BDP1: variants seen among roughly 807,000 people sequenced by gnomAD.
BDP1 encodes BDP1 general transcription factor IIIB subunit, also known as transcription factor TFIIIB component B'' homolog.
In BDP1, 169 loss-of-function variants were observed where a neutral mutation model predicts 266.6. That is an observed-to-expected ratio of 0.63 (90% CI 0.56 to 0.72). The LOEUF (loss-of-function observed/expected upper bound fraction) is 0.72. Among genes scored for constraint, BDP1 ranks in the 30% least tolerant of loss-of-function variants. The probability of loss-of-function intolerance (pLI) is 0.00; values close to 1 mark genes in which losing one functional copy is unlikely to be tolerated. For synonymous variants in BDP1, 1,090 were observed against 1,022.4 expected (o/e 1.07, Z -1.26); for missense variants, 3,015 against 3,053.8 (o/e 0.99, Z 0.30).
rs540977600 is a variant in BDP1, at chr5:71,548,204, G to A, written c.6745-478G>A. On this transcript the variant is annotated intron_variant, in intron 32 of 38. Coordinates refer to ENST00000358731, the MANE Select transcript of BDP1 (RefSeq NM_018429.3). ...CTCAGGAGGTTGAGGTGGGAGGATC[G>A]CTTGAGCCCAGGAGGCGGAGGTTGT... Among the ~76,000 whole-genome samples the A allele has an allele frequency of 9.8e-4, 149 of 152,010 alleles. 2 individuals carry two copies. Among genetic ancestry groups the A allele is most frequent in the African/African-American group, 3.0e-3 (124 of 41,452 alleles).
chr5:71,476,858 C>T (rs966568555), intron 7 of BDP1, among the ~76,000 whole-genome samples: 1 of 152,208 alleles, frequency 6.6e-6, no homozygotes, highest in African/African-American at 2.4e-5. Context: ...CGCCCGCCAC[C>T]ACGCCTGGCT....
chr5:71,470,693 T>C (rs1762187273), intron 7 of BDP1, among the ~76,000 whole-genome samples: 1 of 151,788 alleles, frequency 6.6e-6, no homozygotes, highest in Admixed American at 6.6e-5. Context: ...GTTCAAGCAA[T>C]TCTCATGCCT....
intron 2 of BDP1, among the ~76,000 whole-genome samples, chr5:71,460,376 TC>T (rs1761473524): frequency 6.6e-6 from 1 of 152,120 alleles, no homozygotes; most frequent in South Asian, 2.1e-4. Flanking sequence ...CGAGACTCCG[TC>T]TCAAAAAAAA....
intron 22 of BDP1, among the ~76,000 whole-genome samples, chr5:71,517,844 T>G (rs1476725621): frequency 6.6e-6 from 1 of 152,062 alleles, no homozygotes; most frequent in African/African-American, 2.4e-5. Flanking sequence ...GACGAGAGGA[T>G]CGCTTGAGTC....
intron 28 of BDP1, among the ~76,000 whole-genome samples, 188 bp from the exon 29 acceptor site, chr5:71,541,266 G>A (rs536795880): frequency 2.0e-5 from 3 of 152,096 alleles, no homozygotes; most frequent in African/African-American, 7.2e-5. Flanking sequence ...GCATGAAATA[G>A]GGAGATCATA....
rs375416392 is a variant in BDP1, at chr5:71,497,364, C to T, written c.1894C>T (p.Leu632Phe). The stretch of plus-strand genomic sequence containing the variant: ...GTCAAGGGCTGGGAAGAAATCAGTT[C>T]TTTCACAAGGCAAAACAGAGTCAGA... ...NLSRAGKKSVLSQGKTESESK... is the reference protein window; with the variant it reads ...NLSRAGKKSVFSQGKTESESK... The change falls in exon 13 of 39, where the codon CTT becomes TTT. Residue 632 changes from leucine (L) to phenylalanine (F), a missense_variant. By Grantham distance (22) the Leu-to-Phe change is conservative (BLOSUM62 0). Coordinates refer to ENST00000358731, the MANE Select transcript of BDP1 (RefSeq NM_018429.3). 127 of 1,613,558 alleles carry T rather than the reference C, an allele frequency of 7.9e-5. No individual in the cohort carries two copies. The highest frequency in any genetic ancestry group is 1.0e-4 in the Non-Finnish European group (123 of 1,179,872).
rs1742195670 is a variant in BDP1, at chr5:71,545,235, G to A, written c.6744+16G>A. 1.3e-6 allele frequency: 2 copies of A among 1,597,632 alleles called. No homozygotes were observed. On this transcript the variant is annotated intron_variant, in intron 32 of 38. Transcript: ENST00000358731. ...TGTGCCAGAGGTAAAAGAATGTACA[G>A]TATAATAAGGGATAGCAAGGTGTTT...
chr5:71,516,190 C>A lies in BDP1; in HGVS notation c.4779C>A (p.Asp1593Glu). 6.2e-7 allele frequency: 1 copy of A among 1,613,142 alleles called. No individual in the cohort carries two copies. Among genetic ancestry groups the A allele is most frequent in the Non-Finnish European group, 8.5e-7 (1 of 1,179,564 alleles). The change falls in exon 21 of 39, where the codon GAC becomes GAA. Residue 1593 changes from aspartate (D) to glutamate (E), a missense_variant. Coordinates refer to ENST00000358731, the MANE Select transcript of BDP1 (RefSeq NM_018429.3). ...AGACAGGACAGAGGCAAATAGTAGA[C>A]AAAGGTGAAGCCAAAGGCATAATTA... ...IRKTGQRQIV[D>E]KGEAKGIIKE...
chr5:71,489,478 A>G lies in BDP1; in HGVS notation c.1288A>G (p.Arg430Gly). 1 of 1,614,112 alleles carries G rather than the reference A, an allele frequency of 6.2e-7. No individual in the cohort carries two copies. The highest frequency in any genetic ancestry group is 8.5e-7 in the Non-Finnish European group (1 of 1,179,962). ...SMSSRISDTE[R>G]SQKDAQTVEE... The stretch of plus-strand genomic sequence containing the variant: ...GAGTTCTAGAATTTCAGACACGGAA[A>G]GATCTCAGAAGGATGCTCAGACAGT... Residue 430 changes from arginine (R) to glycine (G), a missense_variant, in exon 10 of 39, where the codon AGA becomes GGA. Around this residue, in one of 3 missense-constraint regions of BDP1, gnomAD observed 2,383 missense variants for 2,404.9 expected, o/e 0.99. Transcript: ENST00000358731.
chr5:71,489,460 A>G lies in BDP1; in HGVS notation c.1270A>G (p.Arg424Gly). 1.2e-6 allele frequency: 2 copies of G among 1,614,070 alleles called. No homozygotes were observed. The highest frequency in any genetic ancestry group is 1.7e-6 in the Non-Finnish European group (2 of 1,179,924). Residue 424 changes from arginine to glycine, a missense_variant, in exon 10 of 39, where the codon AGA becomes GGA. This residue lies in a region of BDP1 where 2,383 missense variants were observed against 2,404.9 expected (regional missense o/e 0.99). Transcript: ENST00000358731. ...NNDPDESMSS[R>G]ISDTERSQKD... ...TGATCCAGATGAGTCTATGAGTTCT[A>G]GAATTTCAGACACGGAAAGATCTCA...
At chr5:71,469,429 C>T (rs917552533) in intron 6 of BDP1, among the ~76,000 whole-genome samples, 11 of 152,038 alleles carry the variant, frequency 7.2e-5, no homozygotes, top group Admixed American at 5.2e-4. Context: ...CGTGAGCCAC[C>T]GTGCGTGGCC....
In BDP1 at chr5:71,544,344, C is replaced by T. The variant is rs1242938522; in HGVS notation, c.6413-13C>T. On this transcript the variant is annotated splice_polypyrimidine_tract_variant and intron_variant, in intron 30 of 38. Coordinates refer to ENST00000358731, the MANE Select transcript of BDP1 (RefSeq NM_018429.3). ...TATTTTGGTCTATATCGTAAGTGTG[C>T]TTTTTGTTTAAGAAACAGAGAAAAA... 3 of 1,605,590 alleles carry T rather than the reference C, an allele frequency of 1.9e-6. No individual in the cohort carries two copies. The South Asian group carries it at 3.4e-5, about 18-fold the overall frequency.
At chr5:71,504,881 A>G (rs1764490650) in intron 16 of BDP1, 130 bp downstream of exon 16, 1 of 812,730 alleles carries the variant, frequency 1.2e-6, no homozygotes, top group African/African-American at 1.7e-5. Flanking sequence ...GTGTTTAAAA[A>G]TATAACTTCA....
chr5:71,506,939 G>T (rs147219194), intron 16 of BDP1, among the ~76,000 whole-genome samples: 2,653 of 151,876 alleles, frequency 0.017, 30 homozygotes, highest in Non-Finnish European at 0.028. Context: ...TCTTGCCTCA[G>T]CCTCCCAAGT....
At chr5:71,573,646 G>A in the BDP1 span, among the ~76,000 whole-genome samples, 2 of 152,202 alleles carry the variant, frequency 1.3e-5, no homozygotes, top group Non-Finnish European at 2.9e-5. Context: ...ATCTGACGTG[G>A]AATTTAAATT....
intron 15 of BDP1, 75 bp downstream of exon 15, chr5:71,502,866 C>T: frequency 1.0e-6 from 1 of 997,464 alleles, no homozygotes; most frequent in South Asian, 1.5e-5. Flanking sequence ...CCTTCACCCA[C>T]ATACTTACAT....
chr5:71,513,749 C>A (rs1363160636), intron 19 of BDP1, among the ~76,000 whole-genome samples: 1 of 151,800 alleles, frequency 6.6e-6, no homozygotes, highest in Non-Finnish European at 1.5e-5. Flanking sequence ...GAGATGAAGT[C>A]TCACTCTGTT....
intron 6 of BDP1, 144 bp from the exon 7 acceptor site, chr5:71,470,250 GT>G (rs1762156377): frequency 3.1e-6 from 2 of 636,258 alleles, no homozygotes; most frequent in Non-Finnish European, 5.4e-6. Context: ...ATACTGAAAA[GT>G]TTTTATTTAT....
chr5:71,554,079 T>G (rs1743052023), intron 35 of BDP1, among the ~76,000 whole-genome samples: 1 of 152,218 alleles, frequency 6.6e-6, no homozygotes, highest in African/African-American at 2.4e-5. Context: ...AAAAGTCCTT[T>G]TAAAACCCGT....
Sources: allele counts gnomAD v4.1 joint callset (sites outside exome capture counted in the v4.1 genomes callset), GRCh38; gene constraint gnomAD v4.1.1; regional missense constraint gnomAD v4.1.1; transcripts MANE v1.5; gene names NCBI Gene and HGNC (gene_info 2026-07-23, HGNC 2026-07-21).